The following BMPR1A variants were observed in gnomAD, a reference collection of about 807,000 sequenced individuals.
BMPR1A encodes the protein bone morphogenetic protein receptor type-1A.
In BMPR1A, 7 loss-of-function variants were observed where a neutral mutation model predicts 66.0. The observed-to-expected ratio is 0.11, with a 90% CI of 0.06 to 0.20. BMPR1A has a LOEUF of 0.20. BMPR1A is among the 10% of genes least tolerant of loss of function. The probability of loss-of-function intolerance (pLI) is 1.00; values close to 1 mark genes in which losing one functional copy is unlikely to be tolerated. For synonymous variants in BMPR1A, 200 were observed against 229.7 expected (o/e 0.87, Z 1.17); for missense variants, 408 against 669.1 (o/e 0.61, Z 4.31).
chr10:86,773,884 C>T (rs1841305346), intron 1 of BMPR1A, among the ~76,000 whole-genome samples: 1 of 145,218 alleles, frequency 6.9e-6, no homozygotes, highest in Non-Finnish European at 1.5e-5. Flanking sequence ...CAGAGTCTTA[C>T]TCTGTCGCCA....
intron 11 of BMPR1A, 126 bp from the exon 12 acceptor site, chr10:86,923,250 A>T: frequency 7.8e-7 from 1 of 1,289,008 alleles, no homozygotes. Flanking sequence ...AGTGAATCAT[A>T]GTGTCTATAT....
intron 7 of BMPR1A, among the ~76,000 whole-genome samples, chr10:86,906,718 C>A: frequency 1.5e-5 from 1 of 67,732 alleles, no homozygotes; most frequent in Non-Finnish European, 3.4e-5. Flanking sequence ...AGTGAGACTC[C>A]GTCTCAAAAA....
At chr10:86,875,718 TAA>T (rs979565563) in intron 2 of BMPR1A, 147 bp from the exon 3 acceptor site, 283 of 372,748 alleles carry the variant, frequency 7.6e-4, no homozygotes, top group Middle Eastern at 1.5e-3. Context: ...TTATAGTGCC[TAA>T]AAAAAAAAAA....
At chr10:86,821,213 A>G (rs1842115822) in intron 1 of BMPR1A, among the ~76,000 whole-genome samples, 1 of 152,206 alleles carries the variant, frequency 6.6e-6, no homozygotes, top group Non-Finnish European at 1.5e-5. Flanking sequence ...TTACTGCTGC[A>G]GTGTGACCTG....
chr10:86,898,209 A>C (rs918809072), intron 5 of BMPR1A, among the ~76,000 whole-genome samples: 1 of 151,924 alleles, frequency 6.6e-6, no homozygotes, highest in Non-Finnish European at 1.5e-5. Context: ...TTTAAAGTCT[A>C]CTTTCTTTCC....
At chr10:86,895,119 G>A (rs7909240) in intron 5 of BMPR1A, among the ~76,000 whole-genome samples, 9,381 of 152,256 alleles carry the variant, frequency 0.062, 692 homozygotes, top group African/African-American at 0.17. Flanking sequence ...TCAAATAAGT[G>A]TTTACATGAC....
At chr10:86,905,848 TAAGA>T (rs1476060453) in intron 7 of BMPR1A, among the ~76,000 whole-genome samples, 3 of 151,842 alleles carry the variant, frequency 2.0e-5, no homozygotes, top group East Asian at 3.9e-4. Context: ...TTTTATTTAA[TAAGA>T]AAGAAACATT....
intron 2 of BMPR1A, 45 bp from the exon 3 acceptor site, chr10:86,875,822 A>T (rs1842914411): frequency 3.3e-6 from 2 of 602,884 alleles, no homozygotes; most frequent in Non-Finnish European, 2.9e-6. Context: ...AAAATTTCCA[A>T]AATTCAGTTG....
rs150512003 is a variant in BMPR1A, at chr10:86,865,587, A to G, written c.-152-10280A>G. Among the ~76,000 whole-genome samples the G allele has an allele frequency of 3.6e-3, 552 of 152,326 alleles. 3 individuals carry two copies. The highest frequency in any genetic ancestry group is 0.012 in the African/African-American group (519 of 41,584). ...AAAGCCTGTTTAGTGGTCTCTTCAC[A>G]CAGACGCACATGAAACTAGGCAAGA... On this transcript the variant is annotated intron_variant, in intron 2 of 12. Coordinates refer to ENST00000372037, the MANE Select transcript of BMPR1A (RefSeq NM_004329.3).
intron 1 of BMPR1A, among the ~76,000 whole-genome samples, chr10:86,757,689 CTG>C (rs963151930): frequency 1.2e-3 from 182 of 152,312 alleles, no homozygotes; most frequent in African/African-American, 4.2e-3. Context: ...GGTTAACAAA[CTG>C]TTCAGAGTAC....
rs1039732320 is a variant in BMPR1A at position 86,926,311 on chromosome 10, G to C, written c.*2592G>C. On this transcript the variant is annotated 3_prime_UTR_variant, in exon 13 of 13. Coordinates refer to ENST00000372037, the MANE Select transcript of BMPR1A (RefSeq NM_004329.3). ...CTGAGGCGGGTGGATCACAAGGTCA[G>C]GAGTTCAAGACCAGCCTGGCCAACA... is the stretch of plus-strand genomic sequence containing the variant. 3 of 153,592 alleles carry C rather than the reference G, an allele frequency of 2.0e-5. No homozygotes were observed. The highest frequency in any genetic ancestry group is 6.5e-5 in the Admixed American group (1 of 15,298). 9.5% of individuals were successfully genotyped at this position (153,592 alleles called of 1,614,324 possible). A position where few individuals can be genotyped will look rare whatever the true frequency, so the allele number is the denominator to read the frequency against.
chr10:86,928,375 A>C (rs1456496810), downstream of BMPR1A: 1 of 151,908 alleles, frequency 6.6e-6, no homozygotes, highest in East Asian at 1.9e-4. Flanking sequence ...GGTGTTTGCC[A>C]CCATGCCTGG....
Position 86,906,597 on chromosome 10 carries a change from G to A in BMPR1A, c.531-5643G>A, listed in dbSNP as rs1306493076. Among the ~76,000 whole-genome samples, 49 of 83,426 alleles carry A rather than the reference G, an allele frequency of 5.9e-4. 12 individuals carry two copies. Among genetic ancestry groups the A allele is most frequent in the Admixed American group, 3.6e-3 (34 of 9,350 alleles). 54.7% of individuals were successfully genotyped at this position (83,426 alleles called of 152,430 possible). A position where few individuals can be genotyped will look rare whatever the true frequency, so the allele number is the denominator to read the frequency against. On this transcript the variant is annotated intron_variant, in intron 7 of 12. Transcript: ENST00000372037. ...AAATTAGCCAGGCGTGGTGGCGGGCGCCTGTAGTCCCAGCTACTCGGGAGG... is the reference window on the plus strand; with the variant it reads ...AAATTAGCCAGGCGTGGTGGCGGGCACCTGTAGTCCCAGCTACTCGGGAGG...
At chr10:86,835,323 T>C (rs1199057962) in intron 1 of BMPR1A, among the ~76,000 whole-genome samples, 1 of 149,466 alleles carries the variant, frequency 6.7e-6, no homozygotes, top group Non-Finnish European at 1.5e-5. Context: ...CCTAGCACTT[T>C]GGGAGGCTGA....
chr10:86,764,813 C>T (rs764852385), intron 1 of BMPR1A, among the ~76,000 whole-genome samples: 3 of 152,178 alleles, frequency 2.0e-5, no homozygotes, highest in Admixed American at 6.5e-5. Context: ...GTGTGAATTA[C>T]GTACCAGATT....
At chr10:86,764,604 A>G (rs1466368900) in intron 1 of BMPR1A, among the ~76,000 whole-genome samples, 1 of 152,198 alleles carries the variant, frequency 6.6e-6, no homozygotes, top group African/African-American at 2.4e-5. Flanking sequence ...TAGAAAATCC[A>G]GAATATCTTG....
At position 86,908,406 on chromosome 10, in the gene BMPR1A, C is replaced by T. The variant is rs72807985; in HGVS notation, c.531-3834C>T. On this transcript the variant is annotated intron_variant, in intron 7 of 12. Transcript: ENST00000372037. ...ATACTCCTGAAAATGGGCATACCTC[C>T]TCTTAGGCTGTTGATAGGCAGGAGG... Among the ~76,000 whole-genome samples the T allele has an allele frequency of 3.1e-3, 467 of 152,294 alleles. 4 individuals carry two copies. The highest frequency in any genetic ancestry group is 2.0e-3 in the Admixed American group (30 of 15,306).
intron 2 of BMPR1A, among the ~76,000 whole-genome samples, chr10:86,861,171 C>T (rs1008610159): frequency 3.3e-5 from 5 of 152,102 alleles, no homozygotes; most frequent in Admixed American, 2.0e-4. Context: ...TAAACCAGTA[C>T]ATTTCAACCT....
intron 1 of BMPR1A, among the ~76,000 whole-genome samples, chr10:86,770,214 C>G (rs1841232551): frequency 6.6e-6 from 1 of 152,146 alleles, no homozygotes; most frequent in South Asian, 2.1e-4. Context: ...TGGCTTGAGC[C>G]CAGGAGGTTG....
Sources: allele counts gnomAD v4.1 joint callset (sites outside exome capture counted in the v4.1 genomes callset), GRCh38; gene constraint gnomAD v4.1.1; transcripts MANE v1.5; gene names NCBI Gene and HGNC (gene_info 2026-07-23, HGNC 2026-07-21).